Variants in MEP1B observed in about 807,000 individuals in gnomAD.
The protein encoded by MEP1B is N-benzoyl-L-tyrosyl-P-amino-benzoic acid hydrolase subunit beta.
MEP1B carries 80 observed loss-of-function variants against 84.6 expected under a neutral mutation model. The ratio of observed to expected loss-of-function variants is 0.95; its 90% confidence interval spans 0.79 to 1.14. The LOEUF is 1.14. MEP1B is among the 50% of genes most tolerant of loss of function. The probability of loss-of-function intolerance (pLI) is 0.00; values close to 1 mark genes in which losing one functional copy is unlikely to be tolerated. For synonymous variants in MEP1B, 273 were observed against 288.1 expected, an observed-to-expected ratio of 0.95 and a Z score of 0.53; for missense variants, 766 against 855.1, an observed-to-expected ratio of 0.90 and a Z score of 1.30.
chr18:32,196,703 CAGCAGGCTGAGGGCCA>C lies in MEP1B; in HGVS notation c.250+1219_250+1234del. 1 of 639,406 alleles carries C rather than the reference CAGCAGGCTGAGGGCCA, an allele frequency of 1.6e-6. No homozygotes were observed. The highest frequency in any genetic ancestry group is 2.8e-6 in the Non-Finnish European group (1 of 351,112). The allele number at this position is 639,406 out of a possible 1,614,324, so 39.6% of individuals were successfully genotyped here. A position where few individuals can be genotyped will look rare whatever the true frequency, so the allele number is the denominator to read the frequency against. ...AGCGCATGAGGTAGTGGGCGCCCTG[CAGCAGGCTGAGGGCCA>C]GGGACAGCTGCCTGCTGGTGAAGCA... On this transcript the variant is annotated intron_variant, in intron 5 of 14. Transcript: ENST00000269202. The surrounding 1 kb of genome is among the most constrained non-coding windows in gnomAD (Gnocchi z 4.4).
intron 9 of MEP1B, among the ~76,000 whole-genome samples, chr18:32,209,161 T>G (rs1158164774): frequency 6.6e-6 from 1 of 152,236 alleles, no homozygotes; most frequent in Non-Finnish European, 1.5e-5. Flanking sequence ...TCCCTGCATA[T>G]AGTGGAAACT....
chr18:32,196,763 GT>G lies in MEP1B; in HGVS notation c.250+1282del. On this transcript the variant is annotated intron_variant, in intron 5 of 14. Coordinates refer to ENST00000269202, the MANE Select transcript of MEP1B (RefSeq NM_005925.3). This position sits in a 1 kb window ranked among gnomAD's most constrained non-coding sequence, Gnocchi z 4.4. ...TGAAGCAGTGCAGGGCCAGGTGCATGTTTTCCTGGATGGTGTTGGGGTGCTC... is the reference window on the plus strand; with the variant it reads ...TGAAGCAGTGCAGGGCCAGGTGCATGTTTCCTGGATGGTGTTGGGGTGCTC... The G allele has an allele frequency of 1.5e-6, 1 of 658,844 alleles. No individual in the cohort carries two copies. The allele number at this position is 658,844 out of a possible 1,614,324, so 40.8% of individuals were successfully genotyped here.
At position 32,196,651 on chromosome 18, in the gene MEP1B, C is replaced by A; in HGVS notation, c.250+1166C>A. Reference sequence around the variant, plus strand: ...ACCCGCCTGATGTTGTCCAGCACGCCACCTCGGGGTGTCTTCCCCAAGCAC... The same window carrying A: ...ACCCGCCTGATGTTGTCCAGCACGCAACCTCGGGGTGTCTTCCCCAAGCAC... On this transcript the variant is annotated intron_variant, in intron 5 of 14. Transcript: ENST00000269202. The surrounding 1 kb of genome is among the most constrained non-coding windows in gnomAD (Gnocchi z 4.4). 2.9e-6 allele frequency: 2 copies of A among 682,790 alleles called. No homozygotes were observed. The highest frequency in any genetic ancestry group is 2.7e-6 in the Non-Finnish European group (1 of 372,788). 42.3% of individuals were successfully genotyped at this position (682,790 alleles called of 1,614,324 possible).
chr18:32,196,143 T>A lies in MEP1B; in HGVS notation c.250+658T>A, dbSNP rs1598887156. 1 of 572,288 alleles carries A rather than the reference T, an allele frequency of 1.7e-6. No homozygotes were observed. Among genetic ancestry groups the A allele is most frequent in the East Asian group, 3.5e-5 (1 of 28,972 alleles). The allele number at this position is 572,288 out of a possible 1,614,324, so 35.5% of individuals were successfully genotyped here. A position where few individuals can be genotyped will look rare whatever the true frequency, so the allele number is the denominator to read the frequency against. On this transcript the variant is annotated intron_variant, in intron 5 of 14. Coordinates refer to ENST00000269202, the MANE Select transcript of MEP1B (RefSeq NM_005925.3). The surrounding 1 kb of genome is among the most constrained non-coding windows in gnomAD (Gnocchi z 4.4). ...TGGGCTCCTTGGCCTCATCCCTGTT[T>A]CTGCTGGCCTTCTGGAGCTGGTGTC... is the stretch of plus-strand genomic sequence containing the variant.
intron 5 of MEP1B, 136 bp downstream of exon 5, chr18:32,195,621 C>A: frequency 3.8e-6 from 2 of 528,166 alleles, no homozygotes; most frequent in Non-Finnish European, 6.5e-6. Flanking sequence ...TGTACATTTA[C>A]TTTGAAAAAA....
Position 32,196,898 on chromosome 18 carries a change from T to C in MEP1B, c.250+1413T>C. On this transcript the variant is annotated intron_variant, in intron 5 of 14. Coordinates refer to ENST00000269202, the MANE Select transcript of MEP1B (RefSeq NM_005925.3). This position sits in a 1 kb window ranked among gnomAD's most constrained non-coding sequence, Gnocchi z 4.4. Reference sequence around the variant, plus strand: ...GGCGGGCAAGGAGGCGCAGGCAGGCTCAGATCTCCACGTGCACTGCTCCCT... The same window carrying C: ...GGCGGGCAAGGAGGCGCAGGCAGGCCCAGATCTCCACGTGCACTGCTCCCT... The C allele has an allele frequency of 2.2e-6, 1 of 449,730 alleles. No homozygotes were observed. 27.9% of individuals were successfully genotyped at this position (449,730 alleles called of 1,614,324 possible).
intron 9 of MEP1B, 45 bp from the exon 10 acceptor site, chr18:32,210,456 A>G: frequency 6.6e-7 from 1 of 1,515,928 alleles, no homozygotes; most frequent in Non-Finnish European, 9.1e-7. Flanking sequence ...ACACATTCCT[A>G]TACCCAGTAT....
intron 12 of MEP1B, among the ~76,000 whole-genome samples, chr18:32,216,789 G>C (rs567000341): frequency 4.0e-5 from 6 of 151,792 alleles, no homozygotes; most frequent in Non-Finnish European, 8.8e-5. Context: ...ATAATCCCAG[G>C]ACTCTGAGGC....
At chr18:32,214,244 A>G (rs2041060146) in intron 11 of MEP1B, among the ~76,000 whole-genome samples, 1 of 152,208 alleles carries the variant, frequency 6.6e-6, no homozygotes, top group Admixed American at 6.5e-5. Context: ...ATCATTCCCC[A>G]TCTTTCCCAT....
At chr18:32,203,231 T>A (rs1025064385) in intron 6 of MEP1B, 1 of 433,524 alleles carries the variant, frequency 2.3e-6, no homozygotes, top group Admixed American at 4.0e-5. Flanking sequence ...GTGGATGGGA[T>A]TGCATGCCAT....
chr18:32,217,475 G>A (rs2041103770), intron 13 of MEP1B, among the ~76,000 whole-genome samples: 1 of 152,130 alleles, frequency 6.6e-6, no homozygotes, highest in African/African-American at 2.4e-5. Context: ...TGGCGGGCAT[G>A]GGACACTGAG....
intron 12 of MEP1B, among the ~76,000 whole-genome samples, chr18:32,215,641 G>A (rs979132757): frequency 1.3e-4 from 20 of 152,186 alleles, no homozygotes; most frequent in Middle Eastern, 3.4e-3. Flanking sequence ...TGGCTAACAC[G>A]GTGAAACCCT....
rs937058880 is a variant in MEP1B at position 32,205,758 on chromosome 18, T to C, written c.547+1398T>C. Among the ~76,000 whole-genome samples, 14 of 152,268 alleles carry C rather than the reference T, an allele frequency of 9.2e-5. No individual in the cohort carries two copies. The East Asian group carries it at 2.3e-3, about 25-fold the overall frequency. On this transcript the variant is annotated intron_variant, in intron 7 of 14. Transcript: ENST00000269202. ...ATGGCCTGAATGTCTTCTCTAAATA[T>C]ATTCATTTTTGTTTTTTATTATTAT...
chr18:32,216,864 C>T lies in MEP1B; in HGVS notation c.1760-127C>T, dbSNP rs535536168. 1.5e-4 allele frequency: 168 copies of T among 1,135,448 alleles called. No individual in the cohort carries two copies. In the African/African-American group the frequency reaches 2.4e-3, roughly 17 times the overall value. 70.3% of individuals were successfully genotyped at this position (1,135,448 alleles called of 1,614,324 possible). A position where few individuals can be genotyped will look rare whatever the true frequency, so the allele number is the denominator to read the frequency against. The stretch of plus-strand genomic sequence containing the variant: ...GCCTGGGCAACATTGCAAGATCTCA[C>T]CTCTAAAAAAAAAAAAGAAAGAAAG... On this transcript the variant is annotated intron_variant, in intron 12 of 14. Transcript: ENST00000269202.
chr18:32,213,982 ATTAGT>A (rs2041057607), intron 11 of MEP1B, among the ~76,000 whole-genome samples: 1 of 152,184 alleles, frequency 6.6e-6, no homozygotes. Context: ...TGCTATGAGA[ATTAGT>A]ACAGGTCAAG....
At chr18:32,190,205 G>A (rs769297300) in intron 1 of MEP1B, 72 bp downstream of exon 1, 1 of 774,032 alleles carries the variant, frequency 1.3e-6, no homozygotes, top group African/African-American at 2.0e-5. Flanking sequence ...AAGAACAAGT[G>A]TTTTTTTTTT....
intron 12 of MEP1B, among the ~76,000 whole-genome samples, chr18:32,216,326 GAGAAC>G (rs1390432985): frequency 6.6e-6 from 1 of 152,176 alleles, no homozygotes; most frequent in Non-Finnish European, 1.5e-5. Context: ...TTATGTAGCA[GAGAAC>G]AAAAATCAGT....
Position 32,195,459 on chromosome 18 carries a change from T to C in MEP1B, c.224T>C (p.Ile75Thr). The change falls in exon 5 of 15, where the codon ATT (isoleucine) becomes ACT (threonine). Residue 75 changes from isoleucine (I) to threonine (T), a missense_variant. Physicochemically the swap from Ile to Thr is moderately conservative, Grantham distance 89. Transcript: ENST00000269202. ...IGEKYRWPHT[I>T]PYVLEDSLEM... is the part of the protein sequence containing the mutation. ...GAAAAGTATAGATGGCCTCATACCA[T>C]TCCATATGTTCTAGAAGATAGCTTG... 1 of 1,610,508 alleles carries C rather than the reference T, an allele frequency of 6.2e-7. No individual in the cohort carries two copies. The highest frequency in any genetic ancestry group is 8.5e-7 in the Non-Finnish European group (1 of 1,177,182).
At chr18:32,203,136 G>C in intron 6 of MEP1B, 126 bp downstream of exon 6, 1 of 546,220 alleles carries the variant, frequency 1.8e-6, no homozygotes, top group South Asian at 2.9e-5. Context: ...CTAGTTGCTG[G>C]AGAGTAAAAA....
Sources: allele counts gnomAD v4.1 joint callset (sites outside exome capture counted in the v4.1 genomes callset), GRCh38; gene constraint gnomAD v4.1.1; non-coding constraint Gnocchi (gnomAD v3.1); transcripts MANE v1.5; gene names NCBI Gene and HGNC (gene_info 2026-07-23, HGNC 2026-07-21).